The following MYMX variants were observed in gnomAD, a reference collection of about 807,000 sequenced individuals.
The protein encoded by MYMX is protein myomixer.
At chr6:44,217,169 A>G (rs1396118571) in intron 1 of MYMX, among the ~76,000 whole-genome samples, 1 of 152,158 alleles carries the variant, frequency 6.6e-6, no homozygotes, top group Non-Finnish European at 1.5e-5. Flanking sequence ...GGGAGGGGCC[A>G]GGGAGCAGTA....
chr6:44,194,926 T>C, the MYMX span, among the ~76,000 whole-genome samples: 1 of 152,162 alleles, frequency 6.6e-6, no homozygotes, highest in Non-Finnish European at 1.5e-5. Context: ...GGATAGCAAA[T>C]AATAAACAGA....
chr6:44,196,121 T>G, the MYMX span, among the ~76,000 whole-genome samples: 1 of 152,142 alleles, frequency 6.6e-6, no homozygotes. Context: ...TTTAGTATTT[T>G]TAGTAGAGAC....
chr6:44,207,338 A>C, the MYMX span, among the ~76,000 whole-genome samples: 17 of 151,686 alleles, frequency 1.1e-4, no homozygotes, highest in African/African-American at 3.2e-4. Context: ...ATGGGGTTTC[A>C]CCGTGTTAGC....
upstream of MYMX, among the ~76,000 whole-genome samples, chr6:44,214,235 T>C (rs1396046506): frequency 1.3e-5 from 2 of 152,218 alleles, no homozygotes; most frequent in Admixed American, 6.5e-5. Flanking sequence ...TGATGGATGT[T>C]CCGATGAGGG....
the MYMX span, among the ~76,000 whole-genome samples, chr6:44,208,722 G>GCAC: frequency 1.3e-5 from 2 of 152,302 alleles, no homozygotes; most frequent in East Asian, 3.9e-4. Context: ...GAAGCACCTA[G>GCAC]GGTGAGTGGC....
the MYMX span, among the ~76,000 whole-genome samples, chr6:44,197,758 T>A: frequency 6.6e-6 from 1 of 152,162 alleles, no homozygotes; most frequent in Non-Finnish European, 1.5e-5. Flanking sequence ...TTATATTATA[T>A]TATGTTTTAA....
chr6:44,198,416 C>T, the MYMX span, among the ~76,000 whole-genome samples: 3 of 152,094 alleles, frequency 2.0e-5, no homozygotes, highest in African/African-American at 4.8e-5. Flanking sequence ...CTACCCGCCT[C>T]GGCCTCCCAA....
upstream of MYMX, among the ~76,000 whole-genome samples, chr6:44,215,826 C>G (rs896138328): frequency 2.0e-5 from 3 of 148,976 alleles, no homozygotes; most frequent in Non-Finnish European, 4.5e-5. Context: ...ACCTGGGAGG[C>G]AGAGGTTGCA....
chr6:44,216,292 T>G (rs1304173108), upstream of MYMX, among the ~76,000 whole-genome samples: 5 of 152,228 alleles, frequency 3.3e-5, no homozygotes, highest in Admixed American at 2.0e-4. Context: ...TCCCACTTAC[T>G]GAGGCTACAG....
At chr6:44,206,005 A>C in the MYMX span, among the ~76,000 whole-genome samples, 4 of 149,636 alleles carry the variant, frequency 2.7e-5, no homozygotes, top group Non-Finnish European at 4.5e-5. Context: ...AAACAAAAAA[A>C]AACCTCATTT....
chr6:44,209,487 G>C, the MYMX span, among the ~76,000 whole-genome samples: 3 of 152,194 alleles, frequency 2.0e-5, no homozygotes, highest in Non-Finnish European at 4.4e-5. Context: ...CTGTAAAACA[G>C]TTATCAGGGA....
At chr6:44,202,561 C>T in the MYMX span, among the ~76,000 whole-genome samples, 2 of 151,942 alleles carry the variant, frequency 1.3e-5, no homozygotes, top group Non-Finnish European at 2.9e-5. Flanking sequence ...AAACTGGGAA[C>T]TGGAAGAAAC....
the MYMX span, among the ~76,000 whole-genome samples, chr6:44,203,164 G>A: frequency 1.8e-4 from 28 of 152,100 alleles, no homozygotes; most frequent in Non-Finnish European, 2.8e-4. Context: ...TCCTCCCCTC[G>A]AGACTCTCTC....
At chr6:44,217,369 G>A (rs1417485025) in intron 1 of MYMX, 81 bp from the exon 2 acceptor site, 3 of 398,032 alleles carry the variant, frequency 7.5e-6, no homozygotes, top group Non-Finnish European at 1.3e-5. Flanking sequence ...GAAGGGAGGG[G>A]GAACTCCTGC....
At chr6:44,209,411 G>A in the MYMX span, among the ~76,000 whole-genome samples, 6 of 152,048 alleles carry the variant, frequency 3.9e-5, no homozygotes, top group Non-Finnish European at 5.9e-5. Context: ...CACCACGCCC[G>A]GCCAAAATCC....
chr6:44,211,185 A>G, the MYMX span, among the ~76,000 whole-genome samples: 3 of 152,184 alleles, frequency 2.0e-5, no homozygotes, highest in African/African-American at 7.2e-5. Flanking sequence ...TTGTCATTCT[A>G]TGAATGCTGC....
At chr6:44,211,904 CA>C in the MYMX span, among the ~76,000 whole-genome samples, 6 of 151,654 alleles carry the variant, frequency 4.0e-5, no homozygotes, top group African/African-American at 1.5e-4. Flanking sequence ...CTCCTCCCCC[CA>C]AAGTACTGGG....
chr6:44,211,788 T>TTTTTTGTGTGTGTGTGTGTGTG, the MYMX span, among the ~76,000 whole-genome samples: 184 of 126,422 alleles, frequency 1.5e-3, 3 homozygotes, highest in African/African-American at 5.4e-3. Context: ...CAGCTAGGTT[T>TTTTTTGTGTGTGTGTGTGTGTG]TGTGTGTGTG....
At chr6:44,201,562 C>T in the MYMX span, among the ~76,000 whole-genome samples, 5 of 152,168 alleles carry the variant, frequency 3.3e-5, no homozygotes, top group African/African-American at 7.2e-5. Context: ...CCACAGCCTC[C>T]GCAGGCCTCC....
Sources: allele counts gnomAD v4.1 joint callset (sites outside exome capture counted in the v4.1 genomes callset), GRCh38; gene constraint gnomAD v4.1.1; transcripts MANE v1.5; gene names NCBI Gene and HGNC (gene_info 2026-07-23, HGNC 2026-07-21).